The following SORL1 variants were observed in gnomAD, a reference collection of about 807,000 sequenced individuals.
SORL1 encodes sortilin related receptor 1, also known as sortilin-related receptor.
Under a neutral mutation model 273.7 loss-of-function variants are expected in SORL1, and 127 were observed. The ratio of observed to expected loss-of-function variants is 0.46; its 90% CI spans 0.40 to 0.54. SORL1 has a LOEUF of 0.54. SORL1 is among the 20% of genes least tolerant of loss of function. The pLI is 0.00. For missense variants in SORL1, 2,494 were observed against 2,846.1 expected (o/e 0.88, Z 2.81); for synonymous variants, 1,031 against 1,067.4 (o/e 0.97, Z 0.66).
chr11:121,615,171 T>C, intron 41 of SORL1, 116 bp downstream of exon 41: 1 of 795,750 alleles, frequency 1.3e-6, no homozygotes, highest in Non-Finnish European at 1.9e-6. Context: ...CCCCTGCTGC[T>C]CTTGGATATA....
At chr11:121,621,752 T>C (rs1039792291) in intron 44 of SORL1, among the ~76,000 whole-genome samples, 3 of 152,202 alleles carry the variant, frequency 2.0e-5, no homozygotes, top group African/African-American at 7.2e-5. Context: ...AGTTTTGATA[T>C]TGGGTAATGG....
In SORL1 at chr11:121,492,850, C is replaced by T. The variant is rs915325961; in HGVS notation, c.758+2740C>T. 4.7e-5 allele frequency among the ~76,000 whole-genome samples: 7 copies of T among 147,660 alleles called. No individual in the cohort carries two copies. In the East Asian group the frequency reaches 1.4e-3, roughly 29 times the overall value. On this transcript the variant is annotated intron_variant, in intron 5 of 47. Coordinates refer to ENST00000260197, the MANE Select transcript of SORL1 (RefSeq NM_003105.6). The stretch of plus-strand genomic sequence containing the variant: ...ACGGAGTCTTGCTCTGTTGCCCAGG[C>T]TGGAGTGCAGTGGCGTGATCTTGGC...
intron 25 of SORL1, among the ~76,000 whole-genome samples, chr11:121,582,765 A>G (rs554012569): frequency 6.6e-6 from 1 of 152,346 alleles, no homozygotes; most frequent in African/African-American, 2.4e-5. Flanking sequence ...CAGAAAGACA[A>G]TTTCAAGTTC....
chr11:121,613,460 C>T (rs369827723), intron 40 of SORL1, among the ~76,000 whole-genome samples: 5 of 152,306 alleles, frequency 3.3e-5, no homozygotes, highest in Admixed American at 2.6e-4. Context: ...TCCTTCTAGG[C>T]TGTGAAGCAC....
chr11:121,628,039 C>T (rs893197244), intron 47 of SORL1, among the ~76,000 whole-genome samples: 4 of 152,206 alleles, frequency 2.6e-5, no homozygotes, highest in African/African-American at 9.6e-5. Context: ...CCCAAAGTAT[C>T]GGAAAATCCT....
intron 3 of SORL1, among the ~76,000 whole-genome samples, chr11:121,481,069 A>C (rs1251390057): frequency 1.7e-5 from 2 of 114,392 alleles, no homozygotes; most frequent in Non-Finnish European, 1.8e-5. Flanking sequence ...AGATACCTAT[A>C]GGCAGGCTTC....
chr11:121,539,241 A>G (rs577720619), intron 12 of SORL1, among the ~76,000 whole-genome samples: 2 of 152,336 alleles, frequency 1.3e-5, no homozygotes, highest in Admixed American at 6.5e-5. Context: ...TGTTTTTCAA[A>G]TCAAGAATTA....
At chr11:121,567,246 C>A in intron 22 of SORL1, 133 bp downstream of exon 22, 1 of 767,590 alleles carries the variant, frequency 1.3e-6, no homozygotes, top group Non-Finnish European at 2.1e-6. Context: ...AAAAATCAAA[C>A]CTACCAGATA....
intron 1 of SORL1, among the ~76,000 whole-genome samples, chr11:121,459,346 C>A (rs569002076): frequency 2.0e-5 from 3 of 152,234 alleles, no homozygotes; most frequent in Admixed American, 2.0e-4. Context: ...CCTGCAAAGA[C>A]CTGCTCGTGT....
intron 3 of SORL1, among the ~76,000 whole-genome samples, chr11:121,483,077 C>T (rs1009974737): frequency 1.3e-5 from 2 of 152,198 alleles, no homozygotes; most frequent in Non-Finnish European, 2.9e-5. Context: ...ATGTTTGGCG[C>T]TGTTATTTGC....
intron 2 of SORL1, among the ~76,000 whole-genome samples, chr11:121,472,753 G>A (rs1262613673): frequency 1.3e-5 from 2 of 152,188 alleles, no homozygotes; most frequent in African/African-American, 2.4e-5. Context: ...CTGAGGTCGG[G>A]AGTTTGAGAC....
rs1203925791 is a variant in SORL1, at chr11:121,622,152, T to A, written c.6065-10T>A. The A allele has an allele frequency of 6.6e-6, 10 of 1,506,432 alleles. No individual in the cohort carries two copies. The highest frequency in any genetic ancestry group is 9.2e-6 in the Non-Finnish European group (10 of 1,085,170). The allele number at this position is 1,506,432 out of a possible 1,614,324, so 93.3% of individuals were successfully genotyped here. ...CACTAACCGCATCCCATCTCATCTT[T>A]AATTTTCAGTTTCATTATCAGCACC... On this transcript the variant is annotated splice_polypyrimidine_tract_variant and intron_variant, in intron 44 of 47. Transcript: ENST00000260197.
chr11:121,534,410 A>G (rs2134874144), intron 12 of SORL1, among the ~76,000 whole-genome samples: 1 of 152,318 alleles, frequency 6.6e-6, no homozygotes, highest in Non-Finnish European at 1.5e-5. Flanking sequence ...TGCTGCCAGA[A>G]AATCATAAAG....
Position 121,612,728 on chromosome 11 carries a change from C to T in SORL1, c.5323-8C>T. The T allele has an allele frequency of 1.2e-6, 2 of 1,611,638 alleles. No homozygotes were observed. The highest frequency in any genetic ancestry group is 1.7e-6 in the Non-Finnish European group (2 of 1,177,868). On this transcript the variant is annotated splice_region_variant and splice_polypyrimidine_tract_variant and intron_variant, in intron 39 of 47. Transcript: ENST00000260197. ...TGTTCATCTAACATGCTTCTTGGTTCTCGGCAGGTGAATGGCTATGTGGTG... is the reference window on the plus strand; with the variant it reads ...TGTTCATCTAACATGCTTCTTGGTTTTCGGCAGGTGAATGGCTATGTGGTG...
intron 24 of SORL1, among the ~76,000 whole-genome samples, chr11:121,574,895 CAGT>C (rs1291652595): frequency 2.0e-5 from 3 of 152,000 alleles, no homozygotes; most frequent in African/African-American, 7.3e-5. Flanking sequence ...CCACATGTCT[CAGT>C]GGGTGTGAGA....
At chr11:121,515,756 A>G (rs1861940464) in intron 8 of SORL1, among the ~76,000 whole-genome samples, 1 of 151,972 alleles carries the variant, frequency 6.6e-6, no homozygotes, top group Non-Finnish European at 1.5e-5. Flanking sequence ...GGTTCAAGTG[A>G]TTCTCCTGCC....
At chr11:121,561,667 T>G (rs1477992354) in intron 21 of SORL1, among the ~76,000 whole-genome samples, 4 of 118,150 alleles carry the variant, frequency 3.4e-5, no homozygotes, top group African/African-American at 3.4e-5. Flanking sequence ...CCATCCTGGG[T>G]GACAGAGTGA....
intron 21 of SORL1, among the ~76,000 whole-genome samples, chr11:121,565,232 TTCTC>T (rs1862738488): frequency 6.6e-6 from 1 of 152,236 alleles, no homozygotes; most frequent in Non-Finnish European, 1.5e-5. Flanking sequence ...GGTGTATGTT[TTCTC>T]TCTATTTACT....
intron 14 of SORL1, 98 bp from the exon 15 acceptor site, chr11:121,549,861 TA>T (rs1862482243): frequency 3.0e-6 from 3 of 1,006,432 alleles, no homozygotes; most frequent in Non-Finnish European, 4.3e-6. Context: ...TAACTTATAA[TA>T]AAAGTGAAAA....
Sources: allele counts gnomAD v4.1 joint callset (sites outside exome capture counted in the v4.1 genomes callset), GRCh38; gene constraint gnomAD v4.1.1; transcripts MANE v1.5; gene names NCBI Gene and HGNC (gene_info 2026-07-23, HGNC 2026-07-21).